Variants in MAGI2 observed in about 807,000 individuals in gnomAD.
MAGI2 encodes the protein membrane-associated guanylate kinase, WW and PDZ domain-containing protein 2.
MAGI2 carries 35 observed loss-of-function variants against 133.3 expected under a neutral mutation model. The ratio of observed to expected loss-of-function variants is 0.26; its 90% CI spans 0.20 to 0.35. The LOEUF (loss-of-function observed/expected upper bound fraction) is 0.35. Among genes scored for constraint, MAGI2 ranks in the 10% least tolerant of loss-of-function variants. The pLI is 1.00. For missense variants in MAGI2, 1,636 were observed against 1,863.4 expected (o/e 0.88, Z 2.25); for synonymous variants, 729 against 710.6 (o/e 1.03, Z -0.41).
At chr7:78,885,863 T>C (rs1445992116) in intron 2 of MAGI2, among the ~76,000 whole-genome samples, 2 of 152,148 alleles carry the variant, frequency 1.3e-5, no homozygotes, top group East Asian at 3.9e-4. Context: ...GTCCAGCACA[T>C]AAAACCTTTA....
intron 1 of MAGI2, among the ~76,000 whole-genome samples, chr7:79,116,049 T>C (rs1819388200): frequency 6.6e-6 from 1 of 151,646 alleles, no homozygotes; most frequent in Non-Finnish European, 1.5e-5. Context: ...AGACAAGAGG[T>C]TGAGGCTAAA....
intron 3 of MAGI2, among the ~76,000 whole-genome samples, chr7:78,566,522 CAG>C (rs1800958782): frequency 1.6e-5 from 2 of 125,046 alleles, no homozygotes; most frequent in South Asian, 5.8e-4. Flanking sequence ...GGGCTATCAA[CAG>C]ACACAGTTTA....
intron 1 of MAGI2, among the ~76,000 whole-genome samples, chr7:79,249,597 T>A (rs1302536436): frequency 6.6e-6 from 1 of 152,024 alleles, no homozygotes; most frequent in African/African-American, 2.4e-5. Context: ...TATTGAACAA[T>A]GAAGAAATCC....
chr7:78,981,212 C>T (rs1228529194), intron 2 of MAGI2, among the ~76,000 whole-genome samples: 1 of 151,438 alleles, frequency 6.6e-6, no homozygotes, highest in Non-Finnish European at 1.5e-5. Context: ...TCATTAAATG[C>T]TGTCTGCCTG....
intron 21 of MAGI2, among the ~76,000 whole-genome samples, chr7:78,057,588 A>C (rs1812723237): frequency 6.6e-6 from 1 of 152,152 alleles, no homozygotes. Flanking sequence ...CATTGCCCTG[A>C]TAACTGGTGA....
intron 2 of MAGI2, among the ~76,000 whole-genome samples, chr7:78,967,394 C>T (rs1244095737): frequency 6.6e-6 from 1 of 151,856 alleles, no homozygotes; most frequent in African/African-American, 2.4e-5. Flanking sequence ...TCTCTCATTC[C>T]CTAGGAGGTC....
At chr7:79,324,637 AT>A (rs1839505898) in intron 1 of MAGI2, among the ~76,000 whole-genome samples, 1 of 45,094 alleles carries the variant, frequency 2.2e-5, no homozygotes, top group South Asian at 9.4e-4. Context: ...TATTATATAT[AT>A]ATAAAATATA....
In MAGI2 at chr7:78,338,922, C is replaced by T. The variant is rs138058543; in HGVS notation, c.1408+4856G>A. 2.3e-3 allele frequency among the ~76,000 whole-genome samples: 348 copies of T among 152,186 alleles called. 1 individual carries two copies. Among genetic ancestry groups the T allele is most frequent in the African/African-American group, 7.9e-3 (328 of 41,522 alleles). ...TTGGAAGGCTGAGGCAGGGGGATTGCGTGAGCCCAGGAGTTTGAGTGCCAC... is the reference window on the plus strand; with the variant it reads ...TTGGAAGGCTGAGGCAGGGGGATTGTGTGAGCCCAGGAGTTTGAGTGCCAC... On this transcript the variant is annotated intron_variant, in intron 9 of 21. Transcript: ENST00000354212.
chr7:78,536,129 T>TA (rs1167369402), intron 3 of MAGI2, among the ~76,000 whole-genome samples: 1 of 129,284 alleles, frequency 7.7e-6, no homozygotes, highest in Non-Finnish European at 1.7e-5. Context: ...TTTTTTTTTT[T>TA]TGAGACGGAG....
intron 1 of MAGI2, among the ~76,000 whole-genome samples, chr7:79,282,756 T>C (rs749571793): frequency 3.9e-4 from 60 of 152,256 alleles, no homozygotes; most frequent in Non-Finnish European, 5.3e-4. Context: ...TTTATTTTAA[T>C]GTATTTTTAA....
At chr7:78,251,598 A>G (rs969338491) in intron 10 of MAGI2, 11 of 152,340 alleles carry the variant, frequency 7.2e-5, no homozygotes, top group South Asian at 6.2e-4. Flanking sequence ...CTGAAAAGAC[A>G]TAAAACAATT....
chr7:78,719,238 A>T (rs1260019562), intron 2 of MAGI2, among the ~76,000 whole-genome samples: 1 of 152,214 alleles, frequency 6.6e-6, no homozygotes, highest in Admixed American at 6.5e-5. Flanking sequence ...GTTCCAATCA[A>T]TTTTACATTC....
At chr7:78,995,444 A>G (rs1349878144) in intron 2 of MAGI2, among the ~76,000 whole-genome samples, 1 of 152,156 alleles carries the variant, frequency 6.6e-6, no homozygotes, top group Admixed American at 6.6e-5. Flanking sequence ...TGCTAAAGAA[A>G]AGATAATTTG....
chr7:79,234,874 G>C (rs879344993), intron 1 of MAGI2, among the ~76,000 whole-genome samples: 1 of 151,572 alleles, frequency 6.6e-6, no homozygotes, highest in Admixed American at 6.6e-5. Flanking sequence ...GGCGCTCTGC[G>C]TTTTAGAGTT....
At chr7:78,582,285 C>A (rs1327915498) in intron 3 of MAGI2, among the ~76,000 whole-genome samples, 1 of 152,078 alleles carries the variant, frequency 6.6e-6, no homozygotes, top group African/African-American at 2.4e-5. Flanking sequence ...AGAGCAACCA[C>A]GTGGGAAGTG....
At chr7:79,069,796 C>A (rs1814769708) in intron 1 of MAGI2, among the ~76,000 whole-genome samples, 1 of 152,114 alleles carries the variant, frequency 6.6e-6, no homozygotes, top group African/African-American at 2.4e-5. Flanking sequence ...GAAAGGCAGG[C>A]CTGGTGGTGA....
At chr7:79,200,688 T>G (rs1828536777) in intron 1 of MAGI2, among the ~76,000 whole-genome samples, 1 of 151,764 alleles carries the variant, frequency 6.6e-6, no homozygotes, top group Admixed American at 6.6e-5. Context: ...GTTATCCCCA[T>G]TGTTCCATTG....
At chr7:78,928,248 G>A (rs1286186046) in intron 2 of MAGI2, among the ~76,000 whole-genome samples, 1 of 151,888 alleles carries the variant, frequency 6.6e-6, no homozygotes, top group African/African-American at 2.4e-5. Flanking sequence ...TTACTTAAGT[G>A]TACTTATCAA....
intron 2 of MAGI2, among the ~76,000 whole-genome samples, chr7:78,741,337 A>G (rs2151253954): frequency 2.0e-5 from 3 of 151,364 alleles, no homozygotes; most frequent in African/African-American, 7.3e-5. Context: ...AGAACAAAAC[A>G]GAGAGGCCTG....
Sources: allele counts gnomAD v4.1 joint callset (sites outside exome capture counted in the v4.1 genomes callset), GRCh38; gene constraint gnomAD v4.1.1; transcripts MANE v1.5; gene names NCBI Gene and HGNC (gene_info 2026-07-23, HGNC 2026-07-21).